BMPR1B: variants seen among roughly 807,000 people sequenced by gnomAD.
BMPR1B encodes bone morphogenetic protein receptor type 1B, also known as bone morphogenetic protein receptor type-1B.
Under a neutral mutation model 59.1 loss-of-function variants are expected in BMPR1B, and 12 were observed. That is an observed-to-expected ratio of 0.20 (90% CI 0.13 to 0.33). The LOEUF is 0.33. Ranked by LOEUF, BMPR1B falls within the 10% of genes least tolerant of loss-of-function variation. BMPR1B has a pLI of 1.00. For missense variants in BMPR1B, 550 were observed against 610.9 expected (o/e 0.90, Z 1.05); for synonymous variants, 237 against 207.3 (o/e 1.14, Z -1.23).
At chr4:94,935,982 T>C (rs952892121) in intron 2 of BMPR1B, among the ~76,000 whole-genome samples, 10 of 150,852 alleles carry the variant, frequency 6.6e-5, no homozygotes, top group Non-Finnish European at 1.3e-4. Context: ...TAATTTTTTT[T>C]CCTGTATTAT....
chr4:95,135,806 A>G (rs1733732080), intron 10 of BMPR1B, among the ~76,000 whole-genome samples: 1 of 152,206 alleles, frequency 6.6e-6, no homozygotes, highest in African/African-American at 2.4e-5. Context: ...TGTCATCTGC[A>G]AACAGGGACA....
intron 1 of BMPR1B, among the ~76,000 whole-genome samples, chr4:94,861,193 G>A (rs1332162726): frequency 6.6e-6 from 1 of 152,202 alleles, no homozygotes; most frequent in African/African-American, 2.4e-5. Context: ...CTAGCTGGGT[G>A]ACTGAGGGTA....
intron 2 of BMPR1B, among the ~76,000 whole-genome samples, chr4:94,896,882 G>A (rs540202791): frequency 4.8e-4 from 73 of 152,146 alleles, no homozygotes; most frequent in Non-Finnish European, 7.5e-4. Flanking sequence ...TAAGTGAAAT[G>A]AATAGAGGGT....
chr4:94,789,461 C>T (rs1722892261), intron 1 of BMPR1B, among the ~76,000 whole-genome samples: 1 of 152,148 alleles, frequency 6.6e-6, no homozygotes, highest in South Asian at 2.1e-4. Flanking sequence ...CTGCACTGTA[C>T]GTTCATTAGC....
intron 2 of BMPR1B, among the ~76,000 whole-genome samples, chr4:94,971,468 T>C (rs1334703503): frequency 6.6e-6 from 1 of 152,162 alleles, no homozygotes; most frequent in Non-Finnish European, 1.5e-5. Context: ...AATAAAAGTG[T>C]GATGGTTAAA....
At position 94,862,684 on chromosome 4, in the gene BMPR1B, G is replaced by A. The variant is rs190240065; in HGVS notation, c.-182-13147G>A. ...AGCTGGGCCGGGCGTGGTGGCTCAT[G>A]CCTGTAATCCCAGCACTTTGGCAGG... is the stretch of plus-strand genomic sequence containing the variant. On this transcript the variant is annotated intron_variant, in intron 1 of 12. Coordinates refer to ENST00000515059, the MANE Select transcript of BMPR1B (RefSeq NM_001203.3). Among the ~76,000 whole-genome samples the A allele has an allele frequency of 5.0e-3, 760 of 151,394 alleles. 5 individuals are homozygous for A. The highest frequency in any genetic ancestry group is 8.8e-3 in the Non-Finnish European group (600 of 67,822).
chr4:94,893,309 A>G (rs1369064595), intron 2 of BMPR1B, among the ~76,000 whole-genome samples: 1 of 152,006 alleles, frequency 6.6e-6, no homozygotes, highest in Non-Finnish European at 1.5e-5. Context: ...TTTATAGTCC[A>G]TCCCAGGAAA....
chr4:95,152,741 C>T lies in BMPR1B; in HGVS notation c.1351C>T (p.Pro451Ser), dbSNP rs1321058552. The T allele has an allele frequency of 6.2e-7, 1 of 1,610,576 alleles. No individual in the cohort carries two copies. The highest frequency in any genetic ancestry group is 8.5e-7 in the Non-Finnish European group (1 of 1,178,520). The change falls in exon 12 of 13, where the codon CCC becomes TCC. Residue 451 changes from proline to serine, a missense_variant. Around this residue, in one of 6 missense-constraint regions of BMPR1B, gnomAD observed 123 missense variants for 164.6 expected, o/e 0.75. Coordinates refer to ENST00000515059, the MANE Select transcript of BMPR1B (RefSeq NM_001203.3). ...REIVCIKKLR[P>S]SFPNRWSSDE... ...GATTGTGTGCATCAAGAAGTTACGC[C>T]CCTCATTCCCAAACCGGTGGAGCAG...
chr4:95,085,756 TGCATTA>T (rs749795168), intron 3 of BMPR1B, among the ~76,000 whole-genome samples: 16 of 152,326 alleles, frequency 1.1e-4, no homozygotes, highest in Admixed American at 5.2e-4. Flanking sequence ...TCCTGTTTTG[TGCATTA>T]GCTTTTTCTG....
rs1342906708 is a variant in BMPR1B at position 94,837,496 on chromosome 4, G to A, written c.-182-38335G>A. ...CACATCCCTTGGAAGTTGGATTCCT[G>A]GGTATTTTATTGTCTTTGAAGCAAT... is the stretch of plus-strand genomic sequence containing the variant. On this transcript the variant is annotated intron_variant, in intron 1 of 12. Coordinates refer to ENST00000515059, the MANE Select transcript of BMPR1B (RefSeq NM_001203.3). Among the ~76,000 whole-genome samples the A allele has an allele frequency of 2.8e-5, 4 of 144,362 alleles. 1 individual carries two copies. Among genetic ancestry groups the A allele is most frequent in the South Asian group, 4.5e-4 (2 of 4,396 alleles). The allele number at this position is 144,362 out of a possible 152,430, so 94.7% of individuals were successfully genotyped here. A position where few individuals can be genotyped will look rare whatever the true frequency, so the allele number is the denominator to read the frequency against.
chr4:94,877,342 A>G (rs993968837), intron 2 of BMPR1B, among the ~76,000 whole-genome samples: 2 of 152,186 alleles, frequency 1.3e-5, no homozygotes. Flanking sequence ...TTTTTGAGTC[A>G]TGCTTCCAGT....
intron 2 of BMPR1B, among the ~76,000 whole-genome samples, chr4:94,897,784 A>G (rs888447669): frequency 2.0e-5 from 3 of 151,788 alleles, no homozygotes; most frequent in African/African-American, 7.3e-5. Flanking sequence ...CTAGTTTTTG[A>G]TATTATGAGG....
chr4:94,835,916 C>T (rs1462750889), intron 1 of BMPR1B, among the ~76,000 whole-genome samples: 1 of 117,720 alleles, frequency 8.5e-6, no homozygotes, highest in African/African-American at 3.3e-5. Flanking sequence ...CCCCTCCCCC[C>T]ACCCCACAAC....
intron 2 of BMPR1B, among the ~76,000 whole-genome samples, chr4:94,926,057 C>G (rs976620577): frequency 1.5e-5 from 1 of 65,416 alleles, no homozygotes; most frequent in Non-Finnish European, 2.8e-5. Flanking sequence ...TACCCTCCCT[C>G]CCCCCCAATC....
intron 2 of BMPR1B, among the ~76,000 whole-genome samples, chr4:94,926,960 G>T (rs1004247907): frequency 6.6e-6 from 1 of 152,006 alleles, no homozygotes; most frequent in African/African-American, 2.4e-5. Flanking sequence ...TTTTTAAAAA[G>T]ATATTTCCTT....
intron 3 of BMPR1B, among the ~76,000 whole-genome samples, chr4:95,096,195 C>T (rs1202985820): frequency 6.6e-6 from 1 of 151,420 alleles, no homozygotes; most frequent in Non-Finnish European, 1.5e-5. Flanking sequence ...TCATTATTGT[C>T]CACTGTTTTC....
chr4:94,816,910 C>A (rs1387390707), intron 1 of BMPR1B, among the ~76,000 whole-genome samples: 2 of 152,100 alleles, frequency 1.3e-5, no homozygotes, highest in Non-Finnish European at 2.9e-5. Flanking sequence ...CCCCAAAATT[C>A]ATGTGTTCAA....
At chr4:94,929,363 T>C (rs964844527) in intron 2 of BMPR1B, among the ~76,000 whole-genome samples, 3 of 152,138 alleles carry the variant, frequency 2.0e-5, no homozygotes, top group African/African-American at 7.2e-5. Flanking sequence ...TCTCACATCA[T>C]ATTTGCTCCT....
chr4:95,014,261 G>A (rs892677902), intron 3 of BMPR1B, among the ~76,000 whole-genome samples: 1 of 152,078 alleles, frequency 6.6e-6, no homozygotes, highest in African/African-American at 2.4e-5. Context: ...ATAAATATTT[G>A]TTGATTCAGC....
Sources: allele counts gnomAD v4.1 joint callset (sites outside exome capture counted in the v4.1 genomes callset), GRCh38; gene constraint gnomAD v4.1.1; regional missense constraint gnomAD v4.1.1; transcripts MANE v1.5; gene names NCBI Gene and HGNC (gene_info 2026-07-23, HGNC 2026-07-21).